Variants in AFF1 observed in about 807,000 individuals in gnomAD.
AFF1 encodes the protein ALF transcription elongation factor 1, also known as AF4/FMR2 family member 1.
Under a neutral mutation model 121.7 loss-of-function variants are expected in AFF1, and 48 were observed. That is an observed-to-expected ratio of 0.39 (90% CI 0.31 to 0.50). The LOEUF (loss-of-function observed/expected upper bound fraction) is 0.50. Ranked by LOEUF, AFF1 falls within the 20% of genes least tolerant of loss-of-function variation. The pLI, the probability that AFF1 is intolerant of heterozygous loss-of-function variation, is 0.76. For synonymous variants in AFF1, 613 were observed against 563.0 expected (o/e 1.09, Z -1.26); for missense variants, 1,523 against 1,511.7 (o/e 1.01, Z -0.12).
intron 2 of AFF1, among the ~76,000 whole-genome samples, chr4:86,997,164 G>C (rs1021915604): frequency 2.6e-5 from 4 of 152,102 alleles, no homozygotes; most frequent in Non-Finnish European, 5.9e-5. Context: ...CGCCCGCCTT[G>C]GCCCCCCAAA....
chr4:86,992,785 T>TA (rs1365289418), intron 2 of AFF1, among the ~76,000 whole-genome samples: 1 of 152,250 alleles, frequency 6.6e-6, no homozygotes, highest in East Asian at 1.9e-4. Flanking sequence ...ACATGATGTA[T>TA]AAAATGACAA....
At chr4:86,984,979 T>G (rs1471196946) in intron 2 of AFF1, among the ~76,000 whole-genome samples, 1 of 151,370 alleles carries the variant, frequency 6.6e-6, no homozygotes, top group Non-Finnish European at 1.5e-5. Context: ...TGTTTAGTAA[T>G]GGTATTGGTA....
chr4:87,035,599 A>G (rs909915578), intron 2 of AFF1, among the ~76,000 whole-genome samples: 1 of 151,878 alleles, frequency 6.6e-6, no homozygotes, highest in Non-Finnish European at 1.5e-5. Context: ...TTAGTCCTGT[A>G]GGCACCAGGG....
In AFF1 at chr4:86,979,158, C is replaced by T. The variant is rs536365966; in HGVS notation, c.38+30587C>T. ...TGTCGCCCAGGCTGGAGTGCAGTGG[C>T]GTGATCTCGACTCACTGCAACCTCC... On this transcript the variant is annotated intron_variant, in intron 2 of 20. Transcript: ENST00000395146. Among the ~76,000 whole-genome samples the T allele has an allele frequency of 2.6e-5, 4 of 152,256 alleles. No homozygotes were observed. The South Asian group carries it at 8.3e-4, about 32-fold the overall frequency.
rs556582312 is a variant in AFF1 at position 87,109,159 on chromosome 4, T to C, written c.1533+844T>C. Among the ~76,000 whole-genome samples the C allele has an allele frequency of 2.3e-3, 347 of 152,310 alleles. 1 individual carries two copies. The highest frequency in any genetic ancestry group is 3.4e-3 in the Non-Finnish European group (230 of 68,016). ...AGCCCACATCGAGAAAATTATTCCA[T>C]GTATTTAATAAGGGAATGCCAGGAA... is the stretch of plus-strand genomic sequence containing the variant. On this transcript the variant is annotated intron_variant, in intron 11 of 20. Transcript: ENST00000395146.
intron 12 of AFF1, 54 bp from the exon 13 acceptor site, chr4:87,124,983 T>C (rs1578306275): frequency 4.9e-6 from 7 of 1,425,054 alleles, no homozygotes; most frequent in Non-Finnish European, 6.6e-6. Flanking sequence ...CTTTTCTGTT[T>C]TGTCTGTACA....
intron 4 of AFF1, among the ~76,000 whole-genome samples, chr4:87,074,631 G>A (rs1243395095): frequency 6.6e-6 from 1 of 152,100 alleles, no homozygotes; most frequent in Non-Finnish European, 1.5e-5. Flanking sequence ...TTTAACTTTT[G>A]CACTGTTAGT....
chr4:87,105,522 A>G, intron 8 of AFF1, 106 bp from the exon 9 acceptor site: 2 of 1,260,114 alleles, frequency 1.6e-6, no homozygotes, highest in Non-Finnish European at 2.3e-6. Flanking sequence ...AAACTTACAC[A>G]TATCCTCTCT....
At chr4:87,056,819 T>C (rs1322477762) in intron 4 of AFF1, among the ~76,000 whole-genome samples, 4 of 152,182 alleles carry the variant, frequency 2.6e-5, no homozygotes, top group African/African-American at 9.7e-5. Flanking sequence ...GCTGGCATAG[T>C]CCCCTTGTTC....
At chr4:87,049,674 C>T (rs377248984) in intron 4 of AFF1, 8 of 456,062 alleles carry the variant, frequency 1.8e-5, no homozygotes, top group Non-Finnish European at 3.1e-5. Flanking sequence ...TCCTTTAATG[C>T]GGTGGTTCCC....
At chr4:87,109,009 A>C (rs1726203403) in intron 11 of AFF1, among the ~76,000 whole-genome samples, 1 of 152,234 alleles carries the variant, frequency 6.6e-6, no homozygotes. Flanking sequence ...AGCACAAGAA[A>C]TTGTTAGTAA....
intron 2 of AFF1, among the ~76,000 whole-genome samples, chr4:86,982,998 C>T (rs1218935651): frequency 6.6e-6 from 1 of 152,074 alleles, no homozygotes; most frequent in African/African-American, 2.4e-5. Context: ...CTTCCCAGCT[C>T]CAGAACTGTG....
intron 4 of AFF1, among the ~76,000 whole-genome samples, chr4:87,063,193 CGTT>C (rs1720957377): frequency 7.6e-6 from 1 of 131,044 alleles, no homozygotes; most frequent in South Asian, 2.5e-4. Flanking sequence ...GTTATTTTAA[CGTT>C]GTCTAAATGT....
At chr4:86,969,797 G>A (rs1269923177) in intron 2 of AFF1, among the ~76,000 whole-genome samples, 7 of 146,680 alleles carry the variant, frequency 4.8e-5, no homozygotes, top group Non-Finnish European at 8.9e-5. Flanking sequence ...GAAGAATGGC[G>A]TGAACCCGGG....
chr4:87,001,032 G>GCATAGGCAC (rs1725670830), intron 2 of AFF1, among the ~76,000 whole-genome samples: 1 of 151,916 alleles, frequency 6.6e-6, no homozygotes, highest in South Asian at 2.1e-4. Flanking sequence ...CTTGCCGCAG[G>GCATAGGCAC]CTTGTTACCT....
Position 86,957,394 on chromosome 4 carries a change from G to C in AFF1, c.38+8823G>C, listed in dbSNP as rs940814430. 1.1e-4 allele frequency among the ~76,000 whole-genome samples: 17 copies of C among 152,234 alleles called. No homozygotes were observed. The East Asian group carries it at 2.7e-3, about 24-fold the overall frequency. ...CTGGGGAACCATTATTTCAAAATCT[G>C]AGTCATGTTTTCTATGCTCTGTAAG... On this transcript the variant is annotated intron_variant, in intron 2 of 20. Coordinates refer to ENST00000395146, the MANE Select transcript of AFF1 (RefSeq NM_001166693.3).
chr4:87,031,106 C>T (rs376759977), intron 2 of AFF1, among the ~76,000 whole-genome samples: 42 of 152,250 alleles, frequency 2.8e-4, no homozygotes, highest in African/African-American at 9.1e-4. Flanking sequence ...ATAATTGAGG[C>T]ACTCCAGACC....
At chr4:87,010,362 ATGTCT>A (rs1342518043) in intron 2 of AFF1, among the ~76,000 whole-genome samples, 3 of 152,204 alleles carry the variant, frequency 2.0e-5, no homozygotes, top group African/African-American at 7.2e-5. Flanking sequence ...TCACTGAGAA[ATGTCT>A]TGTCAAAGCG....
intron 2 of AFF1, among the ~76,000 whole-genome samples, chr4:87,013,029 G>GTTTTTTT (rs1560539145): frequency 1.2e-5 from 1 of 84,316 alleles, no homozygotes; most frequent in African/African-American, 6.3e-5. Context: ...CTGCTATCAA[G>GTTTTTTT]TTCTTTTTTT....
Sources: gnomAD v4.1 joint callset for allele counts (sites outside exome capture counted in the v4.1 genomes callset) on GRCh38, gnomAD v4.1.1 for gene constraint, MANE v1.5 for transcripts, NCBI Gene and HGNC (gene_info 2026-07-23, HGNC 2026-07-21) for gene names.